Variants in LRBA observed in about 807,000 individuals in gnomAD.
LRBA encodes the protein LPS responsive beige-like anchor protein.
In LRBA, 176 loss-of-function variants were observed where a neutral mutation model predicts 330.0. That is an observed-to-expected ratio of 0.53 (90% CI 0.47 to 0.60). LRBA has a LOEUF of 0.60. Ranked by LOEUF, LRBA falls within the 20% of genes least tolerant of loss-of-function variation. The pLI, the probability that LRBA is intolerant of heterozygous loss-of-function variation, is 0.00. For synonymous variants in LRBA, 1,230 were observed against 1,193.0 expected (o/e 1.03, Z -0.64); for missense variants, 3,259 against 3,444.8 (o/e 0.95, Z 1.35).
intron 52 of LRBA, among the ~76,000 whole-genome samples, chr4:150,304,716 AT>A (rs1232676903): frequency 6.6e-6 from 1 of 152,172 alleles, no homozygotes; most frequent in African/African-American, 2.4e-5. Flanking sequence ...ATATATAATA[AT>A]TTTTACTTCA....
At chr4:150,781,982 C>T (rs1027364024) in intron 34 of LRBA, among the ~76,000 whole-genome samples, 4 of 152,136 alleles carry the variant, frequency 2.6e-5, no homozygotes, top group African/African-American at 9.7e-5. Flanking sequence ...TCACAATTCA[C>T]TGCAGCCTTG....
chr4:150,878,072 C>A (rs1754254257), intron 17 of LRBA, among the ~76,000 whole-genome samples: 2 of 152,082 alleles, frequency 1.3e-5, no homozygotes, highest in African/African-American at 2.4e-5. Flanking sequence ...GTGGCTCATG[C>A]CTGTAATCCC....
intron 37 of LRBA, among the ~76,000 whole-genome samples, chr4:150,680,698 C>T (rs375084324): frequency 2.0e-5 from 3 of 152,058 alleles, no homozygotes; most frequent in East Asian, 1.9e-4. Flanking sequence ...GCAGTTTTGT[C>T]GCAGGACCAG....
At chr4:150,966,472 C>G (rs990569600) in intron 2 of LRBA, among the ~76,000 whole-genome samples, 10 of 138,950 alleles carry the variant, frequency 7.2e-5, no homozygotes, top group Non-Finnish European at 1.4e-4. Flanking sequence ...CCACACCCAG[C>G]TAATTTTTTT....
At chr4:150,850,206 A>G (rs1243608541) in intron 24 of LRBA, among the ~76,000 whole-genome samples, 3 of 150,848 alleles carry the variant, frequency 2.0e-5, no homozygotes, top group African/African-American at 7.3e-5. Flanking sequence ...CCATTCTCCT[A>G]CCTCAGCCTC....
intron 37 of LRBA, among the ~76,000 whole-genome samples, chr4:150,641,080 C>T (rs1435388053): frequency 6.6e-6 from 1 of 152,102 alleles, no homozygotes; most frequent in African/African-American, 2.4e-5. Flanking sequence ...ATCTTTTGTC[C>T]GTCTGGAATT....
intron 31 of LRBA, among the ~76,000 whole-genome samples, chr4:150,816,297 T>C (rs1215125759): frequency 6.6e-6 from 1 of 152,006 alleles, no homozygotes; most frequent in African/African-American, 2.4e-5. Context: ...ATGAGTGTTT[T>C]GGTAGGTACA....
chr4:150,803,890 T>C (rs1398850726), intron 33 of LRBA, among the ~76,000 whole-genome samples: 1 of 152,148 alleles, frequency 6.6e-6, no homozygotes, highest in Non-Finnish European at 1.5e-5. Flanking sequence ...GATATAGAAG[T>C]GTCCATTGCT....
Position 150,761,190 on chromosome 4 carries a change from T to C in LRBA, c.5645+593A>G, listed in dbSNP as rs192597473. Among the ~76,000 whole-genome samples the C allele has an allele frequency of 3.9e-5, 6 of 152,246 alleles. No homozygotes were observed. In the East Asian group the frequency reaches 1.2e-3, roughly 29 times the overall value. On this transcript the variant is annotated intron_variant, in intron 35 of 56. Transcript: ENST00000651943. ...CCACTAATCATTTCCTCAATTTCTT[T>C]TTACCTTTTAATGATTTCACTCTTT...
Position 150,900,041 on chromosome 4 carries a change from T to C in LRBA, c.1924+8A>G. 1 of 1,600,312 alleles carries C rather than the reference T, an allele frequency of 6.2e-7. No individual in the cohort carries two copies. Among genetic ancestry groups the C allele is most frequent in the Non-Finnish European group, 8.5e-7 (1 of 1,171,250 alleles). ...GTGTAAAGTAATATACAGACAGAAA[T>C]TATATACCTAATCCTTTTGGGGTGA... On this transcript the variant is annotated splice_region_variant and intron_variant, in intron 14 of 56. Transcript: ENST00000651943.
intron 47 of LRBA, among the ~76,000 whole-genome samples, chr4:150,407,162 A>G (rs565710356): frequency 1.3e-5 from 2 of 152,294 alleles, no homozygotes; most frequent in African/African-American, 4.8e-5. Context: ...ATCTTTAGAA[A>G]ATGGAGACAG....
At chr4:150,382,944 A>G (rs993136927) in intron 47 of LRBA, among the ~76,000 whole-genome samples, 1 of 152,342 alleles carries the variant, frequency 6.6e-6, no homozygotes, top group Middle Eastern at 3.4e-3. Flanking sequence ...GTGGGCTGCT[A>G]AAGTGGTGGT....
chr4:150,509,946 G>A (rs566879640), intron 40 of LRBA, among the ~76,000 whole-genome samples: 2 of 152,256 alleles, frequency 1.3e-5, no homozygotes, highest in South Asian at 4.2e-4. Flanking sequence ...AGACCAGCCT[G>A]GCCAACATGG....
intron 37 of LRBA, among the ~76,000 whole-genome samples, chr4:150,631,934 T>C (rs1023602066): frequency 6.6e-6 from 1 of 152,094 alleles, no homozygotes; most frequent in Admixed American, 6.6e-5. Flanking sequence ...GATTCCTGTA[T>C]AGAAGTGATG....
intron 20 of LRBA, among the ~76,000 whole-genome samples, chr4:150,869,809 C>CT (rs2126997816): frequency 6.6e-6 from 1 of 152,114 alleles, no homozygotes; most frequent in Non-Finnish European, 1.5e-5. Context: ...AATACCAGCA[C>CT]TTTGGGAGGT....
chr4:150,405,135 C>T (rs1746010352), intron 47 of LRBA, among the ~76,000 whole-genome samples: 1 of 152,120 alleles, frequency 6.6e-6, no homozygotes, highest in African/African-American at 2.4e-5. Flanking sequence ...AGAGAAGTGA[C>T]ATCTGACATA....
intron 40 of LRBA, among the ~76,000 whole-genome samples, chr4:150,530,996 G>A (rs1439089523): frequency 6.6e-6 from 1 of 152,048 alleles, no homozygotes; most frequent in African/African-American, 2.4e-5. Flanking sequence ...ATTTCCATAT[G>A]CCCCAACTCC....
At chr4:150,931,300 A>AT (rs138371388) in intron 2 of LRBA, among the ~76,000 whole-genome samples, 1 of 151,784 alleles carries the variant, frequency 6.6e-6, no homozygotes, top group Non-Finnish European at 1.5e-5. Flanking sequence ...TCATAAAAAG[A>AT]TTTAAAAAAA....
intron 40 of LRBA, among the ~76,000 whole-genome samples, chr4:150,587,468 C>A (rs1287696958): frequency 6.6e-6 from 1 of 152,000 alleles, no homozygotes; most frequent in Non-Finnish European, 1.5e-5. Flanking sequence ...TTAGTAAAAA[C>A]AAAGTTGCCA....
Sources: allele counts gnomAD v4.1 joint callset (sites outside exome capture counted in the v4.1 genomes callset), GRCh38; gene constraint gnomAD v4.1.1; transcripts MANE v1.5; gene names NCBI Gene and HGNC (gene_info 2026-07-23, HGNC 2026-07-21).